Variants in EPB41L5 observed in about 807,000 individuals in gnomAD.
EPB41L5 encodes the protein erythrocyte membrane protein band 4.1 like 5, also known as band 4.1-like protein 5.
A neutral mutation model predicts 106.6 loss-of-function variants in EPB41L5; 55 were observed. That is an observed-to-expected ratio of 0.52 (90% CI 0.42 to 0.65). The LOEUF (loss-of-function observed/expected upper bound fraction) is 0.65. Among genes scored for constraint, EPB41L5 ranks in the 30% least tolerant of loss-of-function variants. EPB41L5 has a pLI of 0.00. For missense variants in EPB41L5, 871 were observed against 882.1 expected, an observed-to-expected ratio of 0.99 and a Z score of 0.16; for synonymous variants, 297 against 306.7, an observed-to-expected ratio of 0.97 and a Z score of 0.33.
At chr2:120,163,270 C>G (rs1037779060) in intron 21 of EPB41L5, among the ~76,000 whole-genome samples, 6 of 139,772 alleles carry the variant, frequency 4.3e-5, no homozygotes, top group Non-Finnish European at 9.6e-5. Context: ...CCCCCCCCCC[C>G]CCAAAAAAAG....
At chr2:120,126,371 A>G (rs114632484) in intron 16 of EPB41L5, among the ~76,000 whole-genome samples, 104 of 152,196 alleles carry the variant, frequency 6.8e-4, no homozygotes, top group African/African-American at 2.4e-3. Context: ...AGAATACTTT[A>G]CCCACCCAAA....
At chr2:120,077,558 GTTATTTTATT>G (rs988350030) in intron 9 of EPB41L5, among the ~76,000 whole-genome samples, 16 of 152,210 alleles carry the variant, frequency 1.1e-4, no homozygotes, top group African/African-American at 3.9e-4. Flanking sequence ...CTTTTAAGCT[GTTATTTTATT>G]TTATTTTATT....
At chr2:120,077,175 T>A in intron 8 of EPB41L5, 54 bp from the exon 9 acceptor site, 1 of 1,583,782 alleles carries the variant, frequency 6.3e-7, no homozygotes, top group Non-Finnish European at 8.6e-7. Context: ...ATCCTTGGTA[T>A]AGAATTTATT....
intron 2 of EPB41L5, among the ~76,000 whole-genome samples, chr2:120,024,304 G>T (rs534791311): frequency 2.6e-5 from 4 of 152,274 alleles, no homozygotes; most frequent in African/African-American, 9.6e-5. Flanking sequence ...GTATGATATT[G>T]GCTGTGGGTT....
At chr2:120,042,512 T>TA (rs1679465416) in intron 3 of EPB41L5, among the ~76,000 whole-genome samples, 1 of 152,218 alleles carries the variant, frequency 6.6e-6, no homozygotes, top group African/African-American at 2.4e-5. Flanking sequence ...TAGACTAGGA[T>TA]ATCTCTAAGT....
chr2:120,015,320 C>CA (rs531896856), intron 1 of EPB41L5, among the ~76,000 whole-genome samples: 11,740 of 124,284 alleles, frequency 0.094, 553 homozygotes, highest in African/African-American at 0.14. Context: ...GAGCGAGACT[C>CA]AAAAAAAAAA....
At chr2:120,146,410 CTA>C in intron 20 of EPB41L5, 121 bp downstream of exon 20, 2 of 675,738 alleles carry the variant, frequency 3.0e-6, no homozygotes, top group Non-Finnish European at 5.1e-6. Flanking sequence ...TGAATTCACT[CTA>C]TTGTATCCAT....
chr2:120,156,864 A>G (rs910184421), intron 20 of EPB41L5, among the ~76,000 whole-genome samples: 4 of 152,228 alleles, frequency 2.6e-5, no homozygotes, highest in Non-Finnish European at 4.4e-5. Flanking sequence ...GCCCACTGAT[A>G]GTATTAGACA....
rs189121823 is a variant in EPB41L5, at chr2:120,071,545, T to G, written c.286-1633T>G. On this transcript the variant is annotated intron_variant, in intron 3 of 24. Transcript: ENST00000263713. ...TTCAAACTATACTACAAGGCTACAG[T>G]AACCAAAACAACATGGTGCTGCTAC... Among the ~76,000 whole-genome samples the G allele has an allele frequency of 4.5e-3, 678 of 152,304 alleles. 1 individual carries two copies. The highest frequency in any genetic ancestry group is 8.1e-3 in the Non-Finnish European group (550 of 68,028).
chr2:120,121,285 T>C (rs1558890171), intron 16 of EPB41L5, among the ~76,000 whole-genome samples: 1 of 152,186 alleles, frequency 6.6e-6, no homozygotes, highest in Non-Finnish European at 1.5e-5. Flanking sequence ...ACTTGTGCCA[T>C]GTTGGTTTGC....
chr2:120,144,070 T>C (rs1206606464), intron 19 of EPB41L5, among the ~76,000 whole-genome samples: 2 of 152,218 alleles, frequency 1.3e-5, no homozygotes, highest in Non-Finnish European at 2.9e-5. Flanking sequence ...ATAGTTATAG[T>C]AGCAGTAGTA....
intron 19 of EPB41L5, among the ~76,000 whole-genome samples, chr2:120,144,680 A>T (rs898902307): frequency 2.0e-5 from 3 of 152,240 alleles, no homozygotes; most frequent in Non-Finnish European, 4.4e-5. Flanking sequence ...AATTCATCTT[A>T]TGAGACTAGT....
At chr2:120,064,349 G>A (rs1681297668) in intron 3 of EPB41L5, among the ~76,000 whole-genome samples, 1 of 152,214 alleles carries the variant, frequency 6.6e-6, no homozygotes, top group Admixed American at 6.5e-5. Context: ...TTGAGCAAGA[G>A]TAGTGGTGGT....
In EPB41L5 at chr2:120,168,045, C is replaced by T. The variant is rs762467574; in HGVS notation, c.2135+38C>T. The T allele has an allele frequency of 1.9e-6, 3 of 1,606,878 alleles. No homozygotes were observed. In the South Asian group the frequency reaches 3.3e-5, roughly 18 times the overall value. The stretch of plus-strand genomic sequence containing the variant: ...TTTCTCATTTGCAGTTCTTAGGCAT[C>T]TGTTAGGAAGAAAAAAATAATAAAA... On this transcript the variant is annotated intron_variant, in intron 24 of 24. Transcript: ENST00000263713.
chr2:120,106,307 A>G (rs1684450177), intron 16 of EPB41L5: 6 of 985,364 alleles, frequency 6.1e-6, no homozygotes, highest in Non-Finnish European at 7.2e-6. Flanking sequence ...AAACTTGTCT[A>G]TTTTATAGAA....
intron 2 of EPB41L5, among the ~76,000 whole-genome samples, chr2:120,028,123 C>T (rs1207559874): frequency 6.6e-6 from 1 of 152,128 alleles, no homozygotes; most frequent in African/African-American, 2.4e-5. Context: ...CTCGGCCTCC[C>T]AAAGTGCTGG....
intron 2 of EPB41L5, among the ~76,000 whole-genome samples, chr2:120,028,877 G>A (rs892908166): frequency 6.6e-6 from 1 of 152,130 alleles, no homozygotes; most frequent in Non-Finnish European, 1.5e-5. Flanking sequence ...TGGAAGTGAA[G>A]CAAAGAGTTT....
intron 2 of EPB41L5, among the ~76,000 whole-genome samples, chr2:120,026,250 C>T (rs1413193988): frequency 6.6e-6 from 1 of 152,192 alleles, no homozygotes; most frequent in African/African-American, 2.4e-5. Flanking sequence ...TATTTTGATG[C>T]ATGTATATAA....
intron 3 of EPB41L5, among the ~76,000 whole-genome samples, chr2:120,054,269 T>C (rs1177215767): frequency 6.6e-6 from 1 of 152,246 alleles, no homozygotes; most frequent in Non-Finnish European, 1.5e-5. Context: ...GCTTTTCTGC[T>C]GTTGAGTTGT....
Sources: gnomAD v4.1 joint callset for allele counts (sites outside exome capture counted in the v4.1 genomes callset) on GRCh38, gnomAD v4.1.1 for gene constraint, MANE v1.5 for transcripts, NCBI Gene and HGNC (gene_info 2026-07-23, HGNC 2026-07-21) for gene names.